TIMMDC1: variants seen among roughly 807,000 people sequenced by gnomAD.
TIMMDC1 encodes translocase of inner mitochondrial membrane domain containing 1.
A neutral mutation model predicts 32.6 loss-of-function variants in TIMMDC1; 25 were observed. That is an observed-to-expected ratio of 0.77 (90% CI 0.56 to 1.07). TIMMDC1 has a LOEUF of 1.07. Ranked by LOEUF, TIMMDC1 falls within the 50% of genes least tolerant of loss-of-function variation. The probability of loss-of-function intolerance (pLI) is 0.00; values close to 1 mark genes in which losing one functional copy is unlikely to be tolerated. For synonymous variants in TIMMDC1, 130 were observed against 127.6 expected (o/e 1.02, Z -0.13); for missense variants, 329 against 349.2 (o/e 0.94, Z 0.46).
chr3:119,505,982 A>G (rs1384918231), intron 4 of TIMMDC1, among the ~76,000 whole-genome samples: 1 of 152,164 alleles, frequency 6.6e-6, no homozygotes, highest in East Asian at 1.9e-4. Context: ...AACGCGTGTC[A>G]TGGAGATTTG....
At chr3:119,505,070 C>T (rs1335742540) in intron 4 of TIMMDC1, among the ~76,000 whole-genome samples, 4 of 139,830 alleles carry the variant, frequency 2.9e-5, no homozygotes, top group African/African-American at 1.1e-4. Context: ...AAGAGTGAAA[C>T]TCTTGTCTCA....
intron 6 of TIMMDC1, among the ~76,000 whole-genome samples, chr3:119,522,406 C>A (rs1560051001): frequency 6.6e-6 from 1 of 151,476 alleles, no homozygotes; most frequent in Non-Finnish European, 1.5e-5. Context: ...GAGGAGGGGA[C>A]AGGGAAAGGC....
chr3:119,519,695 G>A (rs1463648760), intron 6 of TIMMDC1, among the ~76,000 whole-genome samples: 1 of 143,114 alleles, frequency 7.0e-6, no homozygotes, highest in Non-Finnish European at 1.6e-5. Context: ...TCCCAGCACT[G>A]GACAGATCAT....
At chr3:119,519,796 C>T (rs980505162) in intron 6 of TIMMDC1, among the ~76,000 whole-genome samples, 2 of 152,148 alleles carry the variant, frequency 1.3e-5, no homozygotes, top group Non-Finnish European at 2.9e-5. Context: ...TCACATCCAA[C>T]AGCTGCAAAA....
At chr3:119,515,208 CA>C (rs35275676) in intron 5 of TIMMDC1, among the ~76,000 whole-genome samples, 77,457 of 126,096 alleles carry the variant, frequency 0.61, 25,280 homozygotes, top group East Asian at 0.83. Flanking sequence ...GACTCCATCT[CA>C]AAAAAAAAAA....
At chr3:119,509,259 G>C (rs548346105) in intron 4 of TIMMDC1, among the ~76,000 whole-genome samples, 1 of 152,142 alleles carries the variant, frequency 6.6e-6, no homozygotes, top group East Asian at 1.9e-4. Context: ...CCATGTCTTA[G>C]AATCTGCCCA....
intron 2 of TIMMDC1, among the ~76,000 whole-genome samples, chr3:119,501,755 G>A (rs952893358): frequency 6.6e-6 from 1 of 152,096 alleles, no homozygotes; most frequent in Non-Finnish European, 1.5e-5. Flanking sequence ...TGGATCACAT[G>A]TTGAATTTGC....
At chr3:119,520,604 A>G (rs1372828815) in intron 6 of TIMMDC1, among the ~76,000 whole-genome samples, 3 of 152,208 alleles carry the variant, frequency 2.0e-5, no homozygotes, top group Non-Finnish European at 4.4e-5. Flanking sequence ...AAAGTCTCCC[A>G]ACAAAGAAAT....
At chr3:119,505,974 C>G (rs571023091) in intron 4 of TIMMDC1, among the ~76,000 whole-genome samples, 1 of 151,958 alleles carries the variant, frequency 6.6e-6, no homozygotes, top group South Asian at 2.1e-4. Flanking sequence ...CTTAGGTAAA[C>G]GCGTGTCATG....
chr3:119,498,876 C>T lies in TIMMDC1; in HGVS notation c.143C>T (p.Pro48Leu). 6.2e-7 allele frequency: 1 copy of T among 1,614,016 alleles called. No individual in the cohort carries two copies. The highest frequency in any genetic ancestry group is 8.5e-7 in the Non-Finnish European group (1 of 1,180,008). The change falls in exon 1 of 7, where the codon CCC becomes CTC. Residue 48 changes from proline to leucine, a missense_variant. Transcript: ENST00000494664. ...AAGCGGCTTCCCTACGTCCCAGAGC[C>T]CTATTACCCGGAATCTGGATGGGAC... The part of the protein sequence containing the change: ...RQKRLPYVPE[P>L]YYPESGWDRL...
chr3:119,501,587 ATTATC>A (rs1183461148), intron 2 of TIMMDC1, among the ~76,000 whole-genome samples: 1 of 152,200 alleles, frequency 6.6e-6, no homozygotes, highest in African/African-American at 2.4e-5. Context: ...ATATAGTACT[ATTATC>A]TTATTTAAAG....
In TIMMDC1 at chr3:119,503,849, A is replaced by G. The variant is rs930455045; in HGVS notation, c.450-105A>G. The G allele has an allele frequency of 7.9e-6, 8 of 1,018,600 alleles. No homozygotes were observed. The African/African-American group carries it at 1.1e-4, about 14-fold the overall frequency. The allele number at this position is 1,018,600 out of a possible 1,614,324, so 63.1% of individuals were successfully genotyped here. ...GCCTAGGCTAGGAACAGGGATTGAT[A>G]TAGTAGGCTTTTCTAAATCTATTAA... On this transcript the variant is annotated intron_variant, in intron 3 of 6. Transcript: ENST00000494664.
rs369266701 is a variant in TIMMDC1, at chr3:119,499,241, G to A, written c.194+314G>A. ...CCCGATTAATTGGGACTACAGGCGCGCACCACCACGCCCGGCTAATTTTTT... is the reference window on the plus strand; with the variant it reads ...CCCGATTAATTGGGACTACAGGCGCACACCACCACGCCCGGCTAATTTTTT... On this transcript the variant is annotated intron_variant, in intron 1 of 6. Transcript: ENST00000494664. Among the ~76,000 whole-genome samples the A allele has an allele frequency of 1.1e-3, 167 of 149,614 alleles. 2 individuals are homozygous for A. Among genetic ancestry groups the A allele is most frequent in the African/African-American group, 4.0e-3 (164 of 40,710 alleles).
intron 4 of TIMMDC1, among the ~76,000 whole-genome samples, chr3:119,505,782 A>G (rs1480414668): frequency 1.3e-5 from 2 of 152,244 alleles, no homozygotes; most frequent in Non-Finnish European, 2.9e-5. Flanking sequence ...GCCATTGTTA[A>G]CAATTCATGC....
intron 4 of TIMMDC1, among the ~76,000 whole-genome samples, chr3:119,508,227 A>G (rs1186313415): frequency 6.6e-6 from 1 of 152,114 alleles, no homozygotes; most frequent in African/African-American, 2.4e-5. Context: ...GCTCCCCTAC[A>G]GTTTTTAGGT....
At chr3:119,507,603 C>A (rs575790858) in intron 4 of TIMMDC1, among the ~76,000 whole-genome samples, 4 of 152,132 alleles carry the variant, frequency 2.6e-5, no homozygotes, top group Non-Finnish European at 5.9e-5. Context: ...TTGCTTTAAT[C>A]TCTTCATATG....
chr3:119,499,049 G>A, intron 1 of TIMMDC1, 122 bp downstream of exon 1: 1 of 740,572 alleles, frequency 1.4e-6, no homozygotes, highest in Non-Finnish European at 2.2e-6. Flanking sequence ...GATTATATTT[G>A]AGGTTCTGAT....
At chr3:119,502,556 T>A (rs2081886850) in intron 2 of TIMMDC1, among the ~76,000 whole-genome samples, 1 of 150,254 alleles carries the variant, frequency 6.7e-6, no homozygotes, top group South Asian at 2.1e-4. Context: ...AATTAATTAA[T>A]TTTTTTTTTG....
intron 1 of TIMMDC1, 45 bp from the exon 2 acceptor site, chr3:119,500,650 G>C: frequency 6.4e-7 from 1 of 1,568,248 alleles, no homozygotes; most frequent in Non-Finnish European, 8.7e-7. Flanking sequence ...GGAGAGCAAT[G>C]TCCATAAACT....
Sources: allele counts gnomAD v4.1 joint callset (sites outside exome capture counted in the v4.1 genomes callset), GRCh38; gene constraint gnomAD v4.1.1; transcripts MANE v1.5; gene names NCBI Gene and HGNC (gene_info 2026-07-23, HGNC 2026-07-21).